Variants in NCAPG2 observed in about 807,000 individuals in gnomAD.
The protein encoded by NCAPG2 is condensin-2 complex subunit G2.
NCAPG2 carries 53 observed loss-of-function variants against 141.1 expected under a neutral mutation model. The observed-to-expected ratio is 0.38, with a 90% CI of 0.30 to 0.47. NCAPG2 has a LOEUF of 0.47. Among genes scored for constraint, NCAPG2 ranks in the 20% least tolerant of loss-of-function variants. The pLI is 0.99. For missense variants in NCAPG2, 1,087 were observed against 1,389.0 expected, an observed-to-expected ratio of 0.78 and a Z score of 3.46; for synonymous variants, 499 against 490.7, an observed-to-expected ratio of 1.02 and a Z score of -0.22.
chr7:158,662,934 A>C (rs1832628345), intron 15 of NCAPG2, among the ~76,000 whole-genome samples: 1 of 152,222 alleles, frequency 6.6e-6, no homozygotes, highest in Non-Finnish European at 1.5e-5. Context: ...GTTTGTTTTA[A>C]AATAAATAGA....
rs1179314839 is a variant in NCAPG2 at position 158,690,729 on chromosome 7, T to G, written c.383-7A>C. ...GGTAATGCATATAAAATACCTAAAA[T>G]ACAGCACAGTAATTTTCCAATTAGT... On this transcript the variant is annotated splice_polypyrimidine_tract_variant and splice_region_variant and intron_variant, in intron 4 of 27. Transcript: ENST00000356309. The G allele has an allele frequency of 6.2e-7, 1 of 1,611,430 alleles. No individual in the cohort carries two copies. Among genetic ancestry groups the G allele is most frequent in the East Asian group, 2.2e-5 (1 of 44,840 alleles).
chr7:158,656,479 AG>A, intron 18 of NCAPG2, 46 bp from the exon 19 acceptor site: 1 of 1,610,226 alleles, frequency 6.2e-7, no homozygotes, highest in Non-Finnish European at 8.5e-7. Flanking sequence ...ACACGTCCCT[AG>A]AAAAGCATGT....
intron 13 of NCAPG2, among the ~76,000 whole-genome samples, chr7:158,666,312 T>A (rs1475937469): frequency 6.6e-6 from 1 of 152,014 alleles, no homozygotes; most frequent in African/African-American, 2.4e-5. Context: ...CCCCAACGGG[T>A]GGTTACTTCT....
At chr7:158,645,759 T>C in intron 25 of NCAPG2, 140 bp from the exon 26 acceptor site, 1 of 684,578 alleles carries the variant, frequency 1.5e-6, no homozygotes, top group Admixed American at 2.4e-5. Context: ...ACTCACCCCA[T>C]GCTTTTCATG....
chr7:158,637,910 G>A lies in NCAPG2; in HGVS notation c.3381-6193C>T, dbSNP rs921679612. Among the ~76,000 whole-genome samples, 8 of 152,196 alleles carry A rather than the reference G, an allele frequency of 5.3e-5. No homozygotes were observed. In the East Asian group the frequency reaches 7.7e-4, roughly 15 times the overall value. On this transcript the variant is annotated intron_variant, in intron 27 of 27. Coordinates refer to ENST00000356309, the MANE Select transcript of NCAPG2 (RefSeq NM_017760.7). ...TGTAATCCCAGCACTTTGGGAGGCC[G>A]AGGCGGGCGGATCACTTGAGGCCAG...
chr7:158,641,619 A>G (rs1830655335), intron 27 of NCAPG2: 1 of 511,362 alleles, frequency 2.0e-6, no homozygotes, highest in Admixed American at 3.6e-5. Flanking sequence ...AATCAAAACA[A>G]AGCAGGAGTA....
chr7:158,681,622 T>C (rs1302792273), intron 9 of NCAPG2, among the ~76,000 whole-genome samples: 1 of 152,186 alleles, frequency 6.6e-6, no homozygotes, highest in African/African-American at 2.4e-5. Context: ...CTGATTATTA[T>C]TTTGTAGTTT....
At chr7:158,647,149 G>A (rs977981848) in intron 24 of NCAPG2, among the ~76,000 whole-genome samples, 5 of 152,138 alleles carry the variant, frequency 3.3e-5, no homozygotes, top group Admixed American at 6.5e-5. Context: ...ATCATCTACT[G>A]TAAATAATGT....
At chr7:158,666,187 AAGAAAG>A (rs2129460687) in intron 13 of NCAPG2, among the ~76,000 whole-genome samples, 2 of 152,312 alleles carry the variant, frequency 1.3e-5, no homozygotes, top group South Asian at 4.1e-4. Context: ...TTAAGAGGAC[AAGAAAG>A]AGAAAAATAC....
rs767263632 is a variant in NCAPG2, at chr7:158,664,693, G to T, written c.1537C>A (p.Pro513Thr). 2.5e-6 allele frequency: 4 copies of T among 1,614,136 alleles called. No individual in the cohort carries two copies. The highest frequency in any genetic ancestry group is 2.5e-6 in the Non-Finnish European group (3 of 1,180,034). The change falls in exon 14 of 28, where the codon CCT becomes ACT. Residue 513 changes from proline to threonine, a missense_variant. Pro to Thr is a conservative substitution (Grantham distance 38). Coordinates refer to ENST00000356309, the MANE Select transcript of NCAPG2 (RefSeq NM_017760.7). Reference protein sequence around the residue: ...ILVRLETDSRPVSRRLVSLIF... With the variant: ...ILVRLETDSRTVSRRLVSLIF... ...AGGCTCACCAGGCGCCGAGACACAG[G>T]TCGAGAATCAGTTTCCAGACGAACC... is the stretch of plus-strand genomic sequence containing the variant.
rs1339546833 is a variant in NCAPG2 at position 158,662,292 on chromosome 7, T to C, written c.1891A>G (p.Lys631Glu). ...GLLEIIVILW[K>E]SIDRSMENNK... Reference sequence around the variant, plus strand: ...TTTTCCATACTTCTGTCAATACTTTTCCAGAGAATCACAATGATTTCTAGT... The same window carrying C: ...TTTTCCATACTTCTGTCAATACTTTCCCAGAGAATCACAATGATTTCTAGT... Residue 631 changes from lysine to glutamate, a missense_variant, in exon 16 of 28, where the codon AAA (lysine) becomes GAA (glutamate). Lys to Glu is a moderately conservative substitution (Grantham distance 56). Coordinates refer to ENST00000356309, the MANE Select transcript of NCAPG2 (RefSeq NM_017760.7). 6.2e-7 allele frequency: 1 copy of C among 1,610,938 alleles called. No individual in the cohort carries two copies. The highest frequency in any genetic ancestry group is 8.5e-7 in the Non-Finnish European group (1 of 1,178,640).
At chr7:158,688,556 G>A (rs1029281102) in intron 6 of NCAPG2, among the ~76,000 whole-genome samples, 39 of 152,320 alleles carry the variant, frequency 2.6e-4, no homozygotes, top group African/African-American at 9.4e-4. Flanking sequence ...TTGTAATAAC[G>A]ATGGTGCTGA....
At chr7:158,680,868 A>T in intron 9 of NCAPG2, 52 bp from the exon 10 acceptor site, 1 of 1,349,378 alleles carries the variant, frequency 7.4e-7, no homozygotes, top group Non-Finnish European at 1.0e-6. Flanking sequence ...ATAAATAAAT[A>T]AAATAAAATG....
At chr7:158,639,327 C>T (rs766545370) in intron 27 of NCAPG2, among the ~76,000 whole-genome samples, 1 of 152,034 alleles carries the variant, frequency 6.6e-6, no homozygotes, top group African/African-American at 2.4e-5. Context: ...AGGCTGGTTG[C>T]GAACTCCTAG....
At chr7:158,654,526 C>G (rs1831752872) in intron 22 of NCAPG2, 69 bp downstream of exon 22, 2 of 1,453,338 alleles carry the variant, frequency 1.4e-6, no homozygotes, top group Non-Finnish European at 1.9e-6. Context: ...CTGAGCTACA[C>G]AGTAAAGGAG....
At chr7:158,680,859 T>A (rs556351454) in intron 9 of NCAPG2, 43 bp from the exon 10 acceptor site, 2 of 1,382,482 alleles carry the variant, frequency 1.4e-6, no homozygotes, top group East Asian at 2.4e-5. Context: ...AACAAAAAAA[T>A]AAATAAATAA....
intron 7 of NCAPG2, 105 bp from the exon 8 acceptor site, chr7:158,686,346 T>C (rs1182525750): frequency 3.3e-6 from 2 of 607,776 alleles, no homozygotes; most frequent in South Asian, 2.6e-5. Context: ...GAAACTCAGT[T>C]TAAACTAGTG....
At chr7:158,702,507 G>A (rs755541815) in intron 1 of NCAPG2, among the ~76,000 whole-genome samples, 2 of 152,148 alleles carry the variant, frequency 1.3e-5, no homozygotes, top group Admixed American at 6.5e-5. Context: ...GAGAGCTCAG[G>A]GGACTTTGTA....
chr7:158,664,159 C>T, intron 15 of NCAPG2, 25 bp downstream of exon 15: 2 of 1,540,692 alleles, frequency 1.3e-6, no homozygotes, highest in Non-Finnish European at 9.0e-7. Context: ...GCACTATCTG[C>T]CCGGCCTGGC....
Sources: gnomAD v4.1 joint callset for allele counts (sites outside exome capture counted in the v4.1 genomes callset) on GRCh38, gnomAD v4.1.1 for gene constraint, MANE v1.5 for transcripts, NCBI Gene and HGNC (gene_info 2026-07-23, HGNC 2026-07-21) for gene names.